Variants in CCSER1 observed in about 807,000 individuals in gnomAD.
The protein encoded by CCSER1 is coiled-coil serine rich protein 1, also known as serine-rich coiled-coil domain-containing protein 1.
A neutral mutation model predicts 82.0 loss-of-function variants in CCSER1; 41 were observed. The observed-to-expected ratio is 0.50, with a 90% CI of 0.39 to 0.65. The LOEUF (loss-of-function observed/expected upper bound fraction) is 0.65. Among genes scored for constraint, CCSER1 ranks in the 30% least tolerant of loss-of-function variants. The pLI is 0.00. For synonymous variants in CCSER1, 414 were observed against 383.9 expected (o/e 1.08, Z -0.92); for missense variants, 1,119 against 1,064.2 (o/e 1.05, Z -0.72).
chr4:90,226,550 A>G (rs1449613018), intron 1 of CCSER1, among the ~76,000 whole-genome samples: 2 of 152,226 alleles, frequency 1.3e-5, no homozygotes, highest in African/African-American at 4.8e-5. Context: ...CTGCTTTTGC[A>G]AGAGGAATAT....
chr4:91,304,133 T>C (rs182731490), intron 10 of CCSER1, among the ~76,000 whole-genome samples: 138 of 152,142 alleles, frequency 9.1e-4, no homozygotes, highest in African/African-American at 3.1e-3. Flanking sequence ...GCCGACTAAA[T>C]TGCATATTTC....
intron 1 of CCSER1, among the ~76,000 whole-genome samples, chr4:90,147,085 GTATT>G (rs1298332252): frequency 4.0e-5 from 6 of 151,124 alleles, no homozygotes; most frequent in African/African-American, 1.4e-4. Context: ...ATTTACTATT[GTATT>G]TATTTATTTT....
At chr4:90,334,544 C>G (rs946462830) in intron 3 of CCSER1, among the ~76,000 whole-genome samples, 1 of 136,792 alleles carries the variant, frequency 7.3e-6, no homozygotes, top group Non-Finnish European at 1.6e-5. Context: ...GTTTGAGATA[C>G]TTTGCTGCCA....
In CCSER1 at chr4:91,496,815, C is replaced by G. The variant is rs186776949; in HGVS notation, c.2218-101757C>G. ...ATATATATTTGAATATATATATATTCAATATATATTGAATATATATTGAAT... is the reference window on the plus strand; with the variant it reads ...ATATATATTTGAATATATATATATTGAATATATATTGAATATATATTGAAT... On this transcript the variant is annotated intron_variant, in intron 10 of 10. Transcript: ENST00000509176. Among the ~76,000 whole-genome samples the G allele has an allele frequency of 1.9e-3, 91 of 46,954 alleles. 8 individuals are homozygous for G. Among genetic ancestry groups the G allele is most frequent in the Admixed American group, 8.2e-3 (27 of 3,292 alleles). 30.8% of individuals were successfully genotyped at this position (46,954 alleles called of 152,430 possible). A position where few individuals can be genotyped will look rare whatever the true frequency, so the allele number is the denominator to read the frequency against.
intron 7 of CCSER1, among the ~76,000 whole-genome samples, chr4:90,741,909 C>T (rs990148198): frequency 2.0e-5 from 3 of 152,140 alleles, no homozygotes; most frequent in African/African-American, 7.2e-5. Flanking sequence ...TTAGTTCATT[C>T]TCACACTGCT....
intron 10 of CCSER1, among the ~76,000 whole-genome samples, chr4:91,479,844 A>C: frequency 7.0e-6 from 1 of 143,040 alleles, no homozygotes; most frequent in Non-Finnish European, 1.5e-5. Flanking sequence ...TGCACCCACT[A>C]ACTCGTCATC....
intron 10 of CCSER1, among the ~76,000 whole-genome samples, chr4:91,348,599 A>G (rs1314911764): frequency 6.6e-6 from 1 of 152,084 alleles, no homozygotes; most frequent in Non-Finnish European, 1.5e-5. Context: ...TGGTGCTTTC[A>G]TTTTGGAATG....
chr4:90,779,253 G>T (rs536508600), intron 7 of CCSER1, among the ~76,000 whole-genome samples: 2 of 151,804 alleles, frequency 1.3e-5, no homozygotes, highest in African/African-American at 2.4e-5. Flanking sequence ...TGAAATTTCT[G>T]TGTTCTCTTT....
intron 3 of CCSER1, among the ~76,000 whole-genome samples, chr4:90,343,767 T>A (rs1741839964): frequency 6.6e-6 from 1 of 152,170 alleles, no homozygotes; most frequent in African/African-American, 2.4e-5. Flanking sequence ...TGTGGGTACA[T>A]AGTGGTATAT....
At chr4:90,742,042 G>A (rs181846828) in intron 7 of CCSER1, among the ~76,000 whole-genome samples, 2 of 152,222 alleles carry the variant, frequency 1.3e-5, no homozygotes, top group East Asian at 3.9e-4. Flanking sequence ...CATGGCATAA[G>A]GGTGAAGGGG....
chr4:90,957,753 A>G (rs994149935), intron 9 of CCSER1, among the ~76,000 whole-genome samples: 8 of 148,128 alleles, frequency 5.4e-5, no homozygotes, highest in African/African-American at 1.7e-4. Context: ...AAAAGGTAAG[A>G]TTTGGATTTT....
chr4:90,295,553 A>G (rs1172660872), intron 1 of CCSER1, among the ~76,000 whole-genome samples: 2 of 151,866 alleles, frequency 1.3e-5, no homozygotes, highest in African/African-American at 2.4e-5. Context: ...AATGAGTTTG[A>G]GTATTTTAAA....
At chr4:90,655,567 T>C (rs2149068701) in intron 6 of CCSER1, among the ~76,000 whole-genome samples, 1 of 152,146 alleles carries the variant, frequency 6.6e-6, no homozygotes. Flanking sequence ...TTCTCTCTCT[T>C]ACATTTGGAG....
chr4:91,113,074 A>C (rs1302628718), intron 10 of CCSER1, among the ~76,000 whole-genome samples: 1 of 152,232 alleles, frequency 6.6e-6, no homozygotes, highest in Admixed American at 6.5e-5. Flanking sequence ...GCGGCTATAG[A>C]AATTATTACA....
At chr4:91,411,525 T>TATATATATATATATATATATAA (rs1206328984) in intron 10 of CCSER1, among the ~76,000 whole-genome samples, 1 of 129,548 alleles carries the variant, frequency 7.7e-6, no homozygotes, top group Non-Finnish European at 1.6e-5. Context: ...TATATATATA[T>TATATATATATATATATATATAA]AAAATCTTGA....
At chr4:90,904,878 T>A (rs752171682) in intron 8 of CCSER1, among the ~76,000 whole-genome samples, 15 of 152,062 alleles carry the variant, frequency 9.9e-5, no homozygotes, top group Non-Finnish European at 1.6e-4. Context: ...CCATTCACCC[T>A]TATTTTCAGT....
intron 8 of CCSER1, among the ~76,000 whole-genome samples, chr4:90,860,042 A>G (rs552437584): frequency 6.6e-6 from 1 of 151,826 alleles, no homozygotes; most frequent in Non-Finnish European, 1.5e-5. Flanking sequence ...TTTGGCATTA[A>G]AGATGACTAT....
At chr4:90,555,649 C>T (rs2153644517) in intron 5 of CCSER1, among the ~76,000 whole-genome samples, 1 of 151,920 alleles carries the variant, frequency 6.6e-6, no homozygotes, top group South Asian at 2.1e-4. Context: ...AAATGATGTG[C>T]CTTTATTATT....
chr4:90,539,087 A>G (rs1030654874), intron 5 of CCSER1, among the ~76,000 whole-genome samples: 9 of 152,100 alleles, frequency 5.9e-5, no homozygotes, highest in Non-Finnish European at 1.3e-4. Context: ...TCATATCTAA[A>G]TAATTTCAGA....
Sources: gnomAD v4.1 joint callset for allele counts (sites outside exome capture counted in the v4.1 genomes callset) on GRCh38, gnomAD v4.1.1 for gene constraint, MANE v1.5 for transcripts, NCBI Gene and HGNC (gene_info 2026-07-23, HGNC 2026-07-21) for gene names.